Variants in FBXL17 observed in about 807,000 individuals in gnomAD.
FBXL17 encodes F-box and leucine rich repeat protein 17.
A neutral mutation model predicts 66.2 loss-of-function variants in FBXL17; 22 were observed. The ratio of observed to expected loss-of-function variants is 0.33; its 90% CI spans 0.24 to 0.47. FBXL17 has a LOEUF of 0.47. FBXL17 is among the 20% of genes least tolerant of loss of function. FBXL17 has a pLI of 1.00. For missense variants in FBXL17, 878 were observed against 948.2 expected, an observed-to-expected ratio of 0.93 and a Z score of 0.97; for synonymous variants, 474 against 400.5, an observed-to-expected ratio of 1.18 and a Z score of -2.19.
At chr5:108,150,115 T>A (rs1751712201) in intron 6 of FBXL17, among the ~76,000 whole-genome samples, 1 of 152,232 alleles carries the variant, frequency 6.6e-6, no homozygotes, top group African/African-American at 2.4e-5. Context: ...AAAGTAAATT[T>A]CAAACATCAT....
chr5:107,876,774 T>C (rs1396245957), intron 8 of FBXL17, among the ~76,000 whole-genome samples: 3 of 152,202 alleles, frequency 2.0e-5, no homozygotes, highest in Non-Finnish European at 2.9e-5. Flanking sequence ...AAAGAAAATA[T>C]AATACAATTA....
chr5:108,275,669 T>C (rs1433722296), intron 4 of FBXL17, among the ~76,000 whole-genome samples: 2 of 152,190 alleles, frequency 1.3e-5, no homozygotes, highest in Admixed American at 6.5e-5. Flanking sequence ...ATGAGCAACA[T>C]ATTATTCAAA....
intron 7 of FBXL17, among the ~76,000 whole-genome samples, chr5:108,009,261 T>A (rs2909883): frequency 0.75 from 15,518 of 20,618 alleles, 5,996 homozygotes; most frequent in Middle Eastern, 0.84. Flanking sequence ...GTTCCCTGTT[T>A]TATATATATA....
At chr5:108,142,175 G>A (rs1751376740) in intron 6 of FBXL17, among the ~76,000 whole-genome samples, 1 of 152,242 alleles carries the variant, frequency 6.6e-6, no homozygotes, top group Non-Finnish European at 1.5e-5. Flanking sequence ...GCATTAATTT[G>A]TCTACACTTA....
At chr5:108,062,689 A>C (rs980700208) in intron 6 of FBXL17, among the ~76,000 whole-genome samples, 1 of 152,174 alleles carries the variant, frequency 6.6e-6, no homozygotes, top group African/African-American at 2.4e-5. Context: ...TTGGAGAATA[A>C]ACCATTCATT....
chr5:108,088,694 C>G (rs903898240), intron 6 of FBXL17, among the ~76,000 whole-genome samples: 1 of 91,076 alleles, frequency 1.1e-5, no homozygotes, highest in African/African-American at 5.2e-5. Flanking sequence ...GAGCGAGACT[C>G]TATCTCAAAA....
At chr5:108,302,246 C>G (rs1758624238) in intron 4 of FBXL17, among the ~76,000 whole-genome samples, 1 of 151,656 alleles carries the variant, frequency 6.6e-6, no homozygotes, top group Non-Finnish European at 1.5e-5. Context: ...CATCACTAGT[C>G]AAAAATACTT....
At chr5:108,158,120 C>T (rs1020229171) in intron 6 of FBXL17, among the ~76,000 whole-genome samples, 1 of 152,104 alleles carries the variant, frequency 6.6e-6, no homozygotes, top group Non-Finnish European at 1.5e-5. Context: ...GATGATGTAA[C>T]TGTCTACTTT....
chr5:108,001,981 G>C (rs752263407), intron 7 of FBXL17, among the ~76,000 whole-genome samples: 2 of 152,030 alleles, frequency 1.3e-5, no homozygotes, highest in Non-Finnish European at 2.9e-5. Flanking sequence ...TTGCAAGTGA[G>C]TATTTTCAAA....
chr5:107,929,771 C>T (rs1269824604), intron 7 of FBXL17, among the ~76,000 whole-genome samples: 1 of 152,092 alleles, frequency 6.6e-6, no homozygotes, highest in Non-Finnish European at 1.5e-5. Context: ...TCTCTTCCCC[C>T]ATCTGTATAT....
chr5:108,377,923 C>T (rs1749557832), intron 1 of FBXL17, among the ~76,000 whole-genome samples: 1 of 152,176 alleles, frequency 6.6e-6, no homozygotes, highest in South Asian at 2.1e-4. Context: ...TTGAAACCTG[C>T]CTGACTTTAG....
chr5:108,250,577 A>C (rs1293635570), intron 4 of FBXL17, among the ~76,000 whole-genome samples: 1 of 152,100 alleles, frequency 6.6e-6, no homozygotes, highest in African/African-American at 2.4e-5. Context: ...ATATAGGAAT[A>C]AGAGTAGAGG....
chr5:108,380,651 CGGGGGTG>C, intron 1 of FBXL17, 41 bp downstream of exon 1: 1 of 1,146,400 alleles, frequency 8.7e-7, no homozygotes, highest in Non-Finnish European at 1.1e-6. Context: ...AGGCGGGGGC[CGGGGGTG>C]GGGGAAAGCG....
At chr5:108,269,270 T>C (rs1383505266) in intron 4 of FBXL17, among the ~76,000 whole-genome samples, 1 of 152,084 alleles carries the variant, frequency 6.6e-6, no homozygotes, top group Non-Finnish European at 1.5e-5. Flanking sequence ...ATAATCAATA[T>C]GCCACTCAAA....
At chr5:108,112,422 T>TA (rs937644329) in intron 6 of FBXL17, among the ~76,000 whole-genome samples, 37 of 152,176 alleles carry the variant, frequency 2.4e-4, no homozygotes, top group African/African-American at 8.7e-4. Flanking sequence ...AGCCCTTGAC[T>TA]AAACACTGTT....
Position 108,381,942 on chromosome 5 carries a change from G to A in FBXL17, c.-251C>T, listed in dbSNP as rs940470881. 23 of 1,247,580 alleles carry A rather than the reference G, an allele frequency of 1.8e-5. No homozygotes were observed. The highest frequency in any genetic ancestry group is 2.0e-6 in the Non-Finnish European group (2 of 994,920). The allele number at this position is 1,247,580 out of a possible 1,614,324, so 77.3% of individuals were successfully genotyped here. On this transcript the variant is annotated 5_prime_UTR_variant, in exon 1 of 9. Coordinates refer to ENST00000542267, the MANE Select transcript of FBXL17 (RefSeq NM_001163315.3). ...GAGAACGATGGGCGCGAGCTTTGGG[G>A]ACGCGAGGGAGGGAGCGAGCGAGCC...
chr5:108,130,800 G>T (rs1236317112), intron 6 of FBXL17, among the ~76,000 whole-genome samples: 8 of 152,140 alleles, frequency 5.3e-5, no homozygotes, highest in Admixed American at 5.2e-4. Context: ...GCTGAGATTA[G>T]GATAGCTCTT....
intron 5 of FBXL17, among the ~76,000 whole-genome samples, chr5:108,193,860 G>C (rs1160205690): frequency 6.6e-6 from 1 of 151,746 alleles, no homozygotes; most frequent in Non-Finnish European, 1.5e-5. Flanking sequence ...TTGTCTCTTT[G>C]CATTATTTTC....
Position 108,381,026 on chromosome 5 carries a change from GCCGCCGCAGCCC to G in FBXL17, c.654_665del (p.Cys220_Gly223del), listed in dbSNP as rs910236580. On this transcript the variant is annotated inframe_deletion, in exon 1 of 9. Coordinates refer to ENST00000542267, the MANE Select transcript of FBXL17 (RefSeq NM_001163315.3). Reference sequence around the variant, plus strand: ...CTCCCCCGCCACCGCCGCCGCCGCCGCCGCCGCAGCCCCCGCCGCCGCAGCGGGGCTGCTTGC... The same window carrying G: ...CTCCCCCGCCACCGCCGCCGCCGCCGCCGCCGCCGCAGCGGGGCTGCTTGC... 1.7e-6 allele frequency: 2 copies of G among 1,188,990 alleles called. No individual in the cohort carries two copies. Among genetic ancestry groups the G allele is most frequent in the Non-Finnish European group, 2.1e-6 (2 of 960,926 alleles). 73.7% of individuals were successfully genotyped at this position (1,188,990 alleles called of 1,614,324 possible).
Sources: gnomAD v4.1 joint callset for allele counts (sites outside exome capture counted in the v4.1 genomes callset) on GRCh38, gnomAD v4.1.1 for gene constraint, MANE v1.5 for transcripts, NCBI Gene and HGNC (gene_info 2026-07-23, HGNC 2026-07-21) for gene names.